ZNF493: variants seen among roughly 807,000 people sequenced by gnomAD.
ZNF493 encodes the protein zinc finger protein 493.
Under a neutral mutation model 12.2 loss-of-function variants are expected in ZNF493, and 11 were observed. The ratio of observed to expected loss-of-function variants is 0.90; its 90% CI spans 0.57 to 1.50. The LOEUF (loss-of-function observed/expected upper bound fraction) is 1.50. Among genes scored for constraint, ZNF493 ranks in the 40% most tolerant of loss-of-function variants. ZNF493 has a pLI of 0.00. For synonymous variants in ZNF493, 286 were observed against 302.6 expected (o/e 0.95, Z 0.57); for missense variants, 950 against 906.6 (o/e 1.05, Z -0.61).
intron 3 of ZNF493, among the ~76,000 whole-genome samples, chr19:21,420,609 ATATATATATATATATTTTTT>A (rs2030633389): frequency 1.0e-4 from 1 of 9,732 alleles, no homozygotes; most frequent in Non-Finnish European, 1.8e-4. Flanking sequence ...ATATATATAT[ATATATATATATATATTTTTT>A]TTTTTTTTTT....
At chr19:21,408,330 T>C in intron 3 of ZNF493, 1 of 676,838 alleles carries the variant, frequency 1.5e-6, no homozygotes, top group Non-Finnish European at 1.8e-6. Flanking sequence ...GGTTTCACCA[T>C]GTTGGCTAAG....
intron 1 of ZNF493, among the ~76,000 whole-genome samples, chr19:21,403,039 A>C (rs1242305906): frequency 6.6e-6 from 1 of 152,204 alleles, no homozygotes; most frequent in East Asian, 1.9e-4. Flanking sequence ...ATCAGCCTTG[A>C]GTCACTGAGA....
At chr19:21,398,648 CA>C in intron 1 of ZNF493, 1 of 408,254 alleles carries the variant, frequency 2.4e-6, no homozygotes. Flanking sequence ...CTCAAGGGAG[CA>C]AGTGGATATT....
At chr19:21,398,589 T>A in intron 1 of ZNF493, 1 of 434,832 alleles carries the variant, frequency 2.3e-6, no homozygotes, top group Admixed American at 2.7e-5. Context: ...GATCTCAGCT[T>A]CTGGTTTATT....
At chr19:21,407,987 G>T in intron 3 of ZNF493, 3 of 985,286 alleles carry the variant, frequency 3.0e-6, no homozygotes, top group Non-Finnish European at 3.6e-6. Context: ...TGTTCCCCAG[G>T]GTTTTGGGAT....
At chr19:21,406,726 C>G (rs149174946) in intron 3 of ZNF493, among the ~76,000 whole-genome samples, 3,465 of 151,194 alleles carry the variant, frequency 0.023, 67 homozygotes, top group Non-Finnish European at 0.032. Flanking sequence ...GTATGATGTC[C>G]CTCTGCTTTG....
chr19:21,426,371 G>A lies in ZNF493; in HGVS notation c.*1387G>A, dbSNP rs113355038. The A allele has an allele frequency of 0.019, 3,194 of 172,246 alleles. 122 individuals are homozygous for A. Among genetic ancestry groups the A allele is most frequent in the African/African-American group, 0.072 (2,994 of 41,524 alleles). The allele number at this position is 172,246 out of a possible 1,614,324, so 10.7% of individuals were successfully genotyped here. A position where few individuals can be genotyped will look rare whatever the true frequency, so the allele number is the denominator to read the frequency against. ...TAGAAATATAGACTGTGAAAAAGAC[G>A]TCAATATCTGCTCACATCTTACTAA... On this transcript the variant is annotated 3_prime_UTR_variant, in exon 4 of 4. Transcript: ENST00000392288.
chr19:21,397,739 T>A, intron 1 of ZNF493: 1 of 270,304 alleles, frequency 3.7e-6, no homozygotes, highest in Non-Finnish European at 6.9e-6. Context: ...CACCCAGCTA[T>A]GGTTTGTAGT....
At chr19:21,404,812 A>G (rs2030059958) in intron 1 of ZNF493, among the ~76,000 whole-genome samples, 1 of 152,216 alleles carries the variant, frequency 6.6e-6, no homozygotes, top group South Asian at 2.1e-4. Flanking sequence ...TGAAAAATAT[A>G]CACAACTCAT....
At position 21,425,490 on chromosome 19, in the gene ZNF493, C is replaced by T; in HGVS notation, c.*506C>T. 2.1e-6 allele frequency: 1 copy of T among 477,520 alleles called. No individual in the cohort carries two copies. The highest frequency in any genetic ancestry group is 1.8e-5 in the South Asian group (1 of 54,460). The allele number at this position is 477,520 out of a possible 1,614,324, so 29.6% of individuals were successfully genotyped here. A position where few individuals can be genotyped will look rare whatever the true frequency, so the allele number is the denominator to read the frequency against. The stretch of plus-strand genomic sequence containing the variant: ...TAACAAATCCTCATCCATTAGTAAA[C>T]ATAAGATAATTCATACTGGAGAGAA... On this transcript the variant is annotated 3_prime_UTR_variant, in exon 4 of 4. Coordinates refer to ENST00000392288, the MANE Select transcript of ZNF493 (RefSeq NM_001076678.3).
intron 3 of ZNF493, among the ~76,000 whole-genome samples, chr19:21,414,869 T>A (rs990527269): frequency 6.6e-6 from 1 of 152,230 alleles, no homozygotes; most frequent in Non-Finnish European, 1.5e-5. Flanking sequence ...ATCCAATTAG[T>A]TAATTTCAAA....
rs1974191761 is a variant in ZNF493 at position 21,397,485 on chromosome 19, A to G, written c.30+218A>G. The G allele has an allele frequency of 1.7e-5, 11 of 632,908 alleles. No homozygotes were observed. The East Asian group carries it at 3.0e-4, about 17-fold the overall frequency. 39.2% of individuals were successfully genotyped at this position (632,908 alleles called of 1,614,324 possible). A position where few individuals can be genotyped will look rare whatever the true frequency, so the allele number is the denominator to read the frequency against. ...CGTCCTGTCTCTTCCCTGCACTGTG[A>G]CTGTGCCCTGCCTGGAGTCCTCTCT... On this transcript the variant is annotated intron_variant, in intron 1 of 3. Coordinates refer to ENST00000392288, the MANE Select transcript of ZNF493 (RefSeq NM_001076678.3).
At position 21,405,777 on chromosome 19, in the gene ZNF493, G is replaced by A. The variant is rs1395074633; in HGVS notation, c.174G>A (p.Lys58=). The A allele has an allele frequency of 1.2e-6, 2 of 1,611,644 alleles. No homozygotes were observed. The highest frequency in any genetic ancestry group is 4.5e-5 in the East Asian group (2 of 44,812). The change falls in exon 3 of 4, where the codon AAG becomes AAA. Residue 58 remains lysine (K), a synonymous_variant. Coordinates refer to ENST00000392288, the MANE Select transcript of ZNF493 (RefSeq NM_001076678.3). The part of the protein sequence containing the change: ...NLVFLGIAVS[K]PDLVTCLEQG... Reference sequence around the variant, plus strand: ...ATAAAGCAGGTATTGCTGTCTCTAAGCCAGATCTGGTCACCTGTCTGGAGC... The same window carrying A: ...ATAAAGCAGGTATTGCTGTCTCTAAACCAGATCTGGTCACCTGTCTGGAGC...
At chr19:21,411,764 G>A (rs1177910259) in intron 3 of ZNF493, among the ~76,000 whole-genome samples, 1 of 103,034 alleles carries the variant, frequency 9.7e-6, no homozygotes, top group Non-Finnish European at 2.0e-5. Flanking sequence ...CTGTGCTATT[G>A]TAATTTTTTT....
At chr19:21,421,667 T>C (rs2030681881) in intron 3 of ZNF493, among the ~76,000 whole-genome samples, 1 of 152,106 alleles carries the variant, frequency 6.6e-6, no homozygotes, top group South Asian at 2.1e-4. Context: ...CCTGGCCACA[T>C]TGTAATCTTT....
intron 3 of ZNF493, among the ~76,000 whole-genome samples, chr19:21,415,213 T>C (rs1481146095): frequency 6.6e-6 from 1 of 152,122 alleles, no homozygotes; most frequent in African/African-American, 2.4e-5. Flanking sequence ...CTTCTCTGGG[T>C]CTATTCTATT....
chr19:21,405,162 T>C lies in ZNF493; in HGVS notation c.64T>C (p.Phe22Leu). The C allele has an allele frequency of 6.2e-7, 1 of 1,613,970 alleles. No individual in the cohort carries two copies. Residue 22 changes from phenylalanine to leucine, a missense_variant, in exon 2 of 4, where the codon TTC (phenylalanine) becomes CTC (leucine). Transcript: ENST00000392288. ...GACATTTAGGGATGTGGCCATAGAA[T>C]TCTCTCTGGAGGAGTGGCAATGCCT... ...PLTFRDVAIE[F>L]SLEEWQCLDT...
intron 1 of ZNF493, among the ~76,000 whole-genome samples, chr19:21,402,366 G>T (rs2029976420): frequency 6.6e-6 from 1 of 152,150 alleles, no homozygotes; most frequent in Admixed American, 6.5e-5. Flanking sequence ...ATGTATCATT[G>T]TTCCAAGGTT....
chr19:21,423,483 A>C lies in ZNF493; in HGVS notation c.824A>C (p.Tyr275Ser). 1 of 1,613,144 alleles carries C rather than the reference A, an allele frequency of 6.2e-7. No homozygotes were observed. Among genetic ancestry groups the C allele is most frequent in the Non-Finnish European group, 8.5e-7 (1 of 1,179,586 alleles). Residue 275 changes from tyrosine to serine, a missense_variant, in exon 4 of 4, where the codon TAC (tyrosine) becomes TCC (serine). Coordinates refer to ENST00000392288, the MANE Select transcript of ZNF493 (RefSeq NM_001076678.3). ...YKCEECGTSF[Y>S]QFSYLTRHKL... ...TGTGAAGAATGTGGCACATCTTTCTACCAATTCTCATACCTTACTAGGCAT... is the reference window on the plus strand; with the variant it reads ...TGTGAAGAATGTGGCACATCTTTCTCCCAATTCTCATACCTTACTAGGCAT...
Sources: allele counts gnomAD v4.1 joint callset (sites outside exome capture counted in the v4.1 genomes callset), GRCh38; gene constraint gnomAD v4.1.1; transcripts MANE v1.5; gene names NCBI Gene and HGNC (gene_info 2026-07-23, HGNC 2026-07-21).